The following LHPP variants were observed in gnomAD, a reference collection of about 807,000 sequenced individuals.
LHPP encodes hLHPP.
Under a neutral mutation model 30.3 loss-of-function variants are expected in LHPP, and 24 were observed. The ratio of observed to expected loss-of-function variants is 0.79; its 90% CI spans 0.57 to 1.11. The LOEUF is 1.11. LHPP is among the 50% of genes most tolerant of loss of function. The pLI, the probability that LHPP is intolerant of heterozygous loss-of-function variation, is 0.00. For missense variants in LHPP, 356 were observed against 367.2 expected, an observed-to-expected ratio of 0.97 and a Z score of 0.25; for synonymous variants, 150 against 157.1, an observed-to-expected ratio of 0.95 and a Z score of 0.34.
chr10:124,492,634 A>G (rs1184492322), intron 3 of LHPP, among the ~76,000 whole-genome samples: 2 of 152,256 alleles, frequency 1.3e-5, no homozygotes, highest in African/African-American at 4.8e-5. Context: ...TCACAGAAAC[A>G]TCCAGAATAA....
At chr10:124,491,092 C>T (rs1953513483) in intron 3 of LHPP, among the ~76,000 whole-genome samples, 1 of 151,608 alleles carries the variant, frequency 6.6e-6, no homozygotes, top group African/African-American at 2.4e-5. Flanking sequence ...TTTGGAATCA[C>T]AGGGTTCTGC....
intron 6 of LHPP, among the ~76,000 whole-genome samples, chr10:124,566,315 CT>C (rs1412188504): frequency 2.0e-5 from 3 of 152,210 alleles, no homozygotes; most frequent in East Asian, 1.9e-4. Flanking sequence ...CCTTTCCCCC[CT>C]GGGGGACACA....
chr10:124,474,972 A>G (rs978498309), intron 1 of LHPP, among the ~76,000 whole-genome samples: 1 of 148,416 alleles, frequency 6.7e-6, no homozygotes, highest in Admixed American at 6.7e-5. Context: ...CATTGTCACC[A>G]CCACAGCAAT....
At chr10:124,484,091 C>T in intron 1 of LHPP, 48 bp from the exon 2 acceptor site, 2 of 1,583,682 alleles carry the variant, frequency 1.3e-6, no homozygotes, top group Non-Finnish European at 1.7e-6. Context: ...TTCAGAGGCC[C>T]AACACTCCAC....
Position 124,476,480 on chromosome 10 carries a change from C to T in LHPP, c.126-7659C>T, listed in dbSNP as rs367757282. On this transcript the variant is annotated intron_variant, in intron 1 of 6. Transcript: ENST00000368842. Reference sequence around the variant, plus strand: ...GCTGGAAGGCTGGGCACCACCATCACCCATCACTGTTTATGGCTCGGGTTC... The same window carrying T: ...GCTGGAAGGCTGGGCACCACCATCATCCATCACTGTTTATGGCTCGGGTTC... 3.7e-3 allele frequency among the ~76,000 whole-genome samples: 557 copies of T among 152,288 alleles called. 2 individuals carry two copies. Among genetic ancestry groups the T allele is most frequent in the Non-Finnish European group, 5.7e-3 (386 of 68,016 alleles).
chr10:124,519,073 G>A (rs906291658), intron 6 of LHPP, among the ~76,000 whole-genome samples: 6 of 152,014 alleles, frequency 3.9e-5, no homozygotes, highest in Admixed American at 3.3e-4. Flanking sequence ...TCAGCCTCCC[G>A]AGTAGCTGGG....
intron 6 of LHPP, among the ~76,000 whole-genome samples, chr10:124,594,829 C>T (rs1382221497): frequency 6.6e-6 from 1 of 152,050 alleles, no homozygotes; most frequent in East Asian, 1.9e-4. Context: ...AGGGGTTTCA[C>T]CATGTTGGCC....
rs545880984 is a variant in LHPP, at chr10:124,496,111, G to C, written c.468-850G>C. Among the ~76,000 whole-genome samples, 8 of 152,098 alleles carry C rather than the reference G, an allele frequency of 5.3e-5. No homozygotes were observed. Among genetic ancestry groups the C allele is most frequent in the African/African-American group, 1.7e-4 (7 of 41,582 alleles). On this transcript the variant is annotated intron_variant, in intron 3 of 6. Transcript: ENST00000368842. The surrounding 1 kb of genome is among the most constrained non-coding windows in gnomAD (Gnocchi z 4.3). ...TGGCAAAACATTTTAGTGGTTCCAAGAATCAAGCCCCCTTGTGTATTCTTG... is the reference window on the plus strand; with the variant it reads ...TGGCAAAACATTTTAGTGGTTCCAACAATCAAGCCCCCTTGTGTATTCTTG...
At chr10:124,550,558 C>T (rs1242692807) in intron 6 of LHPP, among the ~76,000 whole-genome samples, 9 of 152,206 alleles carry the variant, frequency 5.9e-5, no homozygotes, top group Non-Finnish European at 1.2e-4. Flanking sequence ...GCGTGGGAGG[C>T]GGCCCCAGAG....
intron 5 of LHPP, among the ~76,000 whole-genome samples, chr10:124,516,667 T>C (rs1954462560): frequency 6.6e-6 from 1 of 152,244 alleles, no homozygotes; most frequent in African/African-American, 2.4e-5. Flanking sequence ...ACCCAGGCTG[T>C]GAGCATTTCC....
chr10:124,466,221 A>G (rs1356758355), intron 1 of LHPP, among the ~76,000 whole-genome samples: 1 of 152,164 alleles, frequency 6.6e-6, no homozygotes, highest in East Asian at 1.9e-4. Context: ...GTCTATAGAC[A>G]TATTACTAGT....
At chr10:124,464,151 C>T (rs2133804494) in intron 1 of LHPP, among the ~76,000 whole-genome samples, 1 of 152,314 alleles carries the variant, frequency 6.6e-6, no homozygotes, top group South Asian at 2.1e-4. Flanking sequence ...GTTGGCACCA[C>T]TGGACCTGGG....
At chr10:124,509,024 C>T (rs1214082863) in intron 5 of LHPP, among the ~76,000 whole-genome samples, 1 of 152,110 alleles carries the variant, frequency 6.6e-6, no homozygotes, top group Non-Finnish European at 1.5e-5. Context: ...CCTCACCCTC[C>T]TCCCACCCTC....
At chr10:124,599,796 C>T (rs1356211576) in intron 6 of LHPP, among the ~76,000 whole-genome samples, 2 of 152,216 alleles carry the variant, frequency 1.3e-5, no homozygotes, top group Non-Finnish European at 2.9e-5. Flanking sequence ...AACCGAGTGT[C>T]GTGCTCTGTG....
chr10:124,604,386 G>A (rs1949066458), intron 6 of LHPP, among the ~76,000 whole-genome samples: 1 of 152,338 alleles, frequency 6.6e-6, no homozygotes, highest in Admixed American at 6.5e-5. Flanking sequence ...TGTCCTGAGG[G>A]TGGCCGTGCT....
intron 5 of LHPP, among the ~76,000 whole-genome samples, chr10:124,499,860 G>T (rs1953849410): frequency 1.3e-5 from 2 of 151,852 alleles, no homozygotes; most frequent in Non-Finnish European, 2.9e-5. Flanking sequence ...TCTAGACACT[G>T]CACCTGCACC....
intron 6 of LHPP, among the ~76,000 whole-genome samples, chr10:124,524,046 G>A (rs1954671630): frequency 6.6e-6 from 1 of 152,026 alleles, no homozygotes; most frequent in Non-Finnish European, 1.5e-5. Flanking sequence ...TTTTTCTTTT[G>A]TCTCTTTTGG....
At chr10:124,475,166 G>T (rs1657351535) in intron 1 of LHPP, among the ~76,000 whole-genome samples, 1 of 151,722 alleles carries the variant, frequency 6.6e-6, no homozygotes, top group Non-Finnish European at 1.5e-5. Flanking sequence ...GGGATTACAG[G>T]TGTGCACCAC....
At position 124,575,050 on chromosome 10, in the gene LHPP, G is replaced by A. The variant is rs574612343; in HGVS notation, c.717-38214G>A. Among the ~76,000 whole-genome samples the A allele has an allele frequency of 2.6e-4, 39 of 152,298 alleles. 1 individual carries two copies. The East Asian group carries it at 4.6e-3, about 18-fold the overall frequency. On this transcript the variant is annotated intron_variant, in intron 6 of 6. Transcript: ENST00000368842. ...GAAGTATCTCAAACTTGGCAGCCTC[G>A]AAACAGAGCCCTTGGGGAGTTTAAG...
Sources: gnomAD v4.1 joint callset for allele counts (sites outside exome capture counted in the v4.1 genomes callset) on GRCh38, gnomAD v4.1.1 for gene constraint, Gnocchi (gnomAD v3.1) non-coding constraint, MANE v1.5 for transcripts, NCBI Gene and HGNC (gene_info 2026-07-23, HGNC 2026-07-21) for gene names.